The following ENTHD1 variants were observed in gnomAD, a reference collection of about 807,000 sequenced individuals.
ENTHD1 encodes the protein ENTH domain-containing protein 1.
Under a neutral mutation model 39.1 loss-of-function variants are expected in ENTHD1, and 23 were observed. The observed-to-expected ratio is 0.59, with a 90% CI of 0.42 to 0.83. The LOEUF (loss-of-function observed/expected upper bound fraction) is 0.83. Ranked by LOEUF, ENTHD1 falls within the 40% of genes least tolerant of loss-of-function variation. The pLI is 0.00. For synonymous variants in ENTHD1, 230 were observed against 258.2 expected, an observed-to-expected ratio of 0.89 and a Z score of 1.05; for missense variants, 624 against 705.4, an observed-to-expected ratio of 0.88 and a Z score of 1.31.
intron 5 of ENTHD1, among the ~76,000 whole-genome samples, chr22:39,807,325 C>A (rs1283090517): frequency 6.6e-6 from 1 of 152,174 alleles, no homozygotes; most frequent in Non-Finnish European, 1.5e-5. Flanking sequence ...ATCCTACGTG[C>A]CACTTTGCCA....
chr22:39,875,295 G>C (rs911735280), intron 2 of ENTHD1: 2 of 1,158,274 alleles, frequency 1.7e-6, no homozygotes, highest in Non-Finnish European at 1.1e-6. Flanking sequence ...AAAGAAATTC[G>C]GTCGGTCGCA....
At chr22:39,796,549 G>A (rs535699159) in intron 5 of ENTHD1, among the ~76,000 whole-genome samples, 1 of 152,248 alleles carries the variant, frequency 6.6e-6, no homozygotes, top group East Asian at 1.9e-4. Flanking sequence ...AATTACAGGT[G>A]AGCCACCATG....
At chr22:39,750,927 G>C (rs946465525) in intron 6 of ENTHD1, 1 of 155,490 alleles carries the variant, frequency 6.4e-6, no homozygotes, top group African/African-American at 2.4e-5. Flanking sequence ...CCAGGTGCTA[G>C]TATAGTCATC....
intron 5 of ENTHD1, among the ~76,000 whole-genome samples, chr22:39,793,443 G>A (rs930969065): frequency 1.3e-5 from 2 of 150,510 alleles, no homozygotes; most frequent in African/African-American, 4.9e-5. Context: ...TCAACAGGTT[G>A]TCTCTTCACC....
At position 39,875,467 on chromosome 22, in the gene ENTHD1, C is replaced by G. The variant is rs1461928160; in HGVS notation, c.349+11933G>C. On this transcript the variant is annotated intron_variant, in intron 2 of 6. Transcript: ENST00000325157. ...GCCGGGAGTCGCTGAGCGGCCAGGCCGTGCGCCGGCCTTTGGTCGCCTCCG... is the reference window on the plus strand; with the variant it reads ...GCCGGGAGTCGCTGAGCGGCCAGGCGGTGCGCCGGCCTTTGGTCGCCTCCG... The G allele has an allele frequency of 8.4e-6, 13 of 1,545,152 alleles. No individual in the cohort carries two copies. The Admixed American group carries it at 2.6e-4, about 31-fold the overall frequency.
intron 5 of ENTHD1, among the ~76,000 whole-genome samples, chr22:39,806,272 C>T (rs1461156490): frequency 1.3e-5 from 2 of 152,174 alleles, no homozygotes; most frequent in African/African-American, 4.8e-5. Context: ...GTGTTTTGAG[C>T]ACTTCCTCCT....
chr22:39,813,079 G>A (rs1016073410), intron 5 of ENTHD1, among the ~76,000 whole-genome samples: 37 of 152,076 alleles, frequency 2.4e-4, no homozygotes, highest in African/African-American at 6.5e-4. Flanking sequence ...CACTGTGCCC[G>A]GCCCAGTGCT....
chr22:39,812,238 T>A (rs2065693746), intron 5 of ENTHD1, among the ~76,000 whole-genome samples: 1 of 152,170 alleles, frequency 6.6e-6, no homozygotes, highest in African/African-American at 2.4e-5. Context: ...ACGTCAAGTA[T>A]GCCAGCGCTA....
intron 5 of ENTHD1, among the ~76,000 whole-genome samples, chr22:39,766,019 CAAAAAAAAAAAAAA>C (rs11367784): frequency 0.067 from 3,279 of 48,824 alleles, 130 homozygotes; most frequent in African/African-American, 0.22. Context: ...CCCTCAGCTA[CAAAAAAAAAAAAAA>C]AAAAAAAAAA....
At chr22:39,747,822 T>C (rs907513334) in intron 6 of ENTHD1, among the ~76,000 whole-genome samples, 3 of 152,166 alleles carry the variant, frequency 2.0e-5, no homozygotes, top group African/African-American at 7.2e-5. Flanking sequence ...CTCATTGTCA[T>C]GGTTCTTCAC....
chr22:39,788,767 C>T (rs1054953241), intron 5 of ENTHD1, among the ~76,000 whole-genome samples: 1 of 151,918 alleles, frequency 6.6e-6, no homozygotes, highest in Non-Finnish European at 1.5e-5. Context: ...GCAGCCCCCA[C>T]CCCCAACCTT....
rs1305599422 is a variant in ENTHD1 at position 39,798,192 on chromosome 22, C to T, written c.832+22801G>A. 2.0e-5 allele frequency among the ~76,000 whole-genome samples: 3 copies of T among 151,928 alleles called. No homozygotes were observed. The East Asian group carries it at 5.8e-4, about 29-fold the overall frequency. On this transcript the variant is annotated intron_variant, in intron 5 of 6. Transcript: ENST00000325157. Reference sequence around the variant, plus strand: ...GGTTATTTCAAAAGACATCTTCATGCTTCCAAATTCTTTCTTCTGCTTGTT... The same window carrying T: ...GGTTATTTCAAAAGACATCTTCATGTTTCCAAATTCTTTCTTCTGCTTGTT...
At chr22:39,839,567 C>T (rs1213387650) in intron 3 of ENTHD1, among the ~76,000 whole-genome samples, 1 of 152,152 alleles carries the variant, frequency 6.6e-6, no homozygotes, top group Non-Finnish European at 1.5e-5. Context: ...ATGGTTGTAA[C>T]TTTTCATTTT....
At chr22:39,759,259 A>G (rs886677668) in intron 6 of ENTHD1, among the ~76,000 whole-genome samples, 7 of 152,104 alleles carry the variant, frequency 4.6e-5, no homozygotes, top group African/African-American at 1.7e-4. Flanking sequence ...TTTTGATAAT[A>G]TATGTATATG....
chr22:39,811,549 G>T (rs1170893853), intron 5 of ENTHD1, among the ~76,000 whole-genome samples: 1 of 152,210 alleles, frequency 6.6e-6, no homozygotes, highest in Admixed American at 6.5e-5. Context: ...CACTTGGCTT[G>T]CTACTACACC....
intron 6 of ENTHD1, among the ~76,000 whole-genome samples, chr22:39,761,590 C>A (rs972283621): frequency 6.6e-6 from 1 of 152,132 alleles, no homozygotes; most frequent in Non-Finnish European, 1.5e-5. Flanking sequence ...GACACTGTTT[C>A]ACAAGACTGA....
chr22:39,801,929 T>C (rs1299603885), intron 5 of ENTHD1, among the ~76,000 whole-genome samples: 2 of 152,146 alleles, frequency 1.3e-5, no homozygotes, highest in Non-Finnish European at 2.9e-5. Flanking sequence ...AGGAGAGCCA[T>C]ATTAAAGAAA....
At chr22:39,850,647 C>T (rs532068751) in intron 3 of ENTHD1, among the ~76,000 whole-genome samples, 5 of 152,048 alleles carry the variant, frequency 3.3e-5, no homozygotes, top group African/African-American at 1.2e-4. Context: ...CATTCTACTT[C>T]TTCTTGCTAC....
In ENTHD1 at chr22:39,887,463, C is replaced by T; in HGVS notation, c.286G>A (p.Gly96Arg). The T allele has an allele frequency of 6.2e-7, 1 of 1,614,096 alleles. No individual in the cohort carries two copies. Among genetic ancestry groups the T allele is most frequent in the Admixed American group, 1.7e-5 (1 of 60,010 alleles). Residue 96 changes from glycine (G) to arginine (R), a missense_variant, in exon 2 of 7, where the codon GGG (glycine) becomes AGG (arginine). Coordinates refer to ENST00000325157, the MANE Select transcript of ENTHD1 (RefSeq NM_152512.4). ...SKKVIQHCRE[G>R]FCNLQTLKDF... ...TTTAGTGTTTGAAGGTTACAGAACCCCTCTCTGCAATGCTGAATAACTTTC... is the reference window on the plus strand; with the variant it reads ...TTTAGTGTTTGAAGGTTACAGAACCTCTCTCTGCAATGCTGAATAACTTTC...
Sources: gnomAD v4.1 joint callset for allele counts (sites outside exome capture counted in the v4.1 genomes callset) on GRCh38, gnomAD v4.1.1 for gene constraint, MANE v1.5 for transcripts, NCBI Gene and HGNC (gene_info 2026-07-23, HGNC 2026-07-21) for gene names.